SBF2: variants seen among roughly 807,000 people sequenced by gnomAD.
SBF2 encodes the protein myotubularin-related protein 13.
In SBF2, 112 loss-of-function variants were observed where a neutral mutation model predicts 225.2. The ratio of observed to expected loss-of-function variants is 0.50; its 90% CI spans 0.43 to 0.58. The LOEUF is 0.58. Among genes scored for constraint, SBF2 ranks in the 20% least tolerant of loss-of-function variants. The pLI, the probability that SBF2 is intolerant of heterozygous loss-of-function variation, is 0.00. For synonymous variants in SBF2, 763 were observed against 773.3 expected (o/e 0.99, Z 0.22); for missense variants, 1,996 against 2,206.2 (o/e 0.90, Z 1.91).
chr11:10,216,928 A>C (rs1208162858), intron 1 of SBF2, among the ~76,000 whole-genome samples: 5 of 152,326 alleles, frequency 3.3e-5, no homozygotes, highest in Non-Finnish European at 4.4e-5. Flanking sequence ...CATCTTAAGA[A>C]AATGCAAATA....
intron 2 of SBF2, among the ~76,000 whole-genome samples, chr11:10,166,540 C>CA (rs1487824329): frequency 6.6e-6 from 1 of 151,576 alleles, no homozygotes; most frequent in African/African-American, 2.4e-5. Context: ...TATTTATACA[C>CA]AAAAAAATGT....
intron 2 of SBF2, among the ~76,000 whole-genome samples, chr11:10,185,996 T>G (rs1956922546): frequency 6.6e-6 from 1 of 152,218 alleles, no homozygotes; most frequent in Admixed American, 6.5e-5. Flanking sequence ...TACCCTAGTT[T>G]CAGATTAAGG....
chr11:9,955,825 G>A lies in SBF2; in HGVS notation c.1860+6132C>T, dbSNP rs550707185. ...GTTTACTGCCCCTCCTCTGTGTCCCGCAGAGGTAATTTTCTTAAATATTTT... is the reference window on the plus strand; with the variant it reads ...GTTTACTGCCCCTCCTCTGTGTCCCACAGAGGTAATTTTCTTAAATATTTT... On this transcript the variant is annotated intron_variant, in intron 16 of 39. Transcript: ENST00000256190. 4.6e-5 allele frequency among the ~76,000 whole-genome samples: 7 copies of A among 151,768 alleles called. No homozygotes were observed. In the South Asian group the frequency reaches 6.2e-4, roughly 14 times the overall value.
rs360168 is a variant in SBF2 at position 9,853,017 on chromosome 11, A to G, written c.2537-268T>C. Among the ~76,000 whole-genome samples, 11,522 of 152,256 alleles carry G rather than the reference A, an allele frequency of 0.076. 653 individuals carry two copies. The highest frequency in any genetic ancestry group is 0.29 in the East Asian group (1,510 of 5,180). On this transcript the variant is annotated intron_variant, in intron 20 of 39. Coordinates refer to ENST00000256190, the MANE Select transcript of SBF2 (RefSeq NM_030962.4). ...GGAGAAGTAACTCAAATGTCCATCA[A>G]CAGATGAATGGATAAAATGTGGGAC... is the stretch of plus-strand genomic sequence containing the variant.
intron 17 of SBF2, among the ~76,000 whole-genome samples, chr11:9,871,470 C>CTTCTTATTA (rs1554934599): frequency 7.3e-6 from 1 of 136,944 alleles, no homozygotes; most frequent in African/African-American, 2.7e-5. Flanking sequence ...CAGGATGACG[C>CTTCTTATTA]TTATTATTAT....
At chr11:9,853,746 A>C (rs780363707) in intron 19 of SBF2, 34 bp from the exon 20 acceptor site, 1 of 1,594,898 alleles carries the variant, frequency 6.3e-7, no homozygotes, top group Admixed American at 1.7e-5. Context: ...CATGGTCAGT[A>C]CTTAAATGCA....
chr11:9,946,457 T>C (rs796412497), intron 16 of SBF2, among the ~76,000 whole-genome samples: 5 of 128,940 alleles, frequency 3.9e-5, no homozygotes, highest in Admixed American at 8.0e-5. Flanking sequence ...TTCTTTCTTT[T>C]TTTTTTTTTT....
intron 1 of SBF2, among the ~76,000 whole-genome samples, chr11:10,240,259 C>CAA (rs555675542): frequency 0.022 from 2,015 of 93,052 alleles, 41 homozygotes; most frequent in African/African-American, 0.067. Flanking sequence ...ATTAAAAGAA[C>CAA]AAAAAAAAAA....
chr11:10,213,612 T>C (rs1211713264), intron 1 of SBF2, among the ~76,000 whole-genome samples: 2 of 152,214 alleles, frequency 1.3e-5, no homozygotes, highest in Non-Finnish European at 2.9e-5. Flanking sequence ...AGTTAGCCCC[T>C]TGAACTTCCT....
intron 3 of SBF2, among the ~76,000 whole-genome samples, chr11:10,040,219 T>C (rs1246461164): frequency 6.6e-6 from 1 of 151,864 alleles, no homozygotes; most frequent in East Asian, 1.9e-4. Flanking sequence ...CACTATGAAG[T>C]GGAGAAATCT....
intron 2 of SBF2, among the ~76,000 whole-genome samples, chr11:10,123,738 T>C (rs532652224): frequency 8.5e-5 from 13 of 152,164 alleles, no homozygotes; most frequent in African/African-American, 2.7e-4. Context: ...ATAAGCTTTA[T>C]TGTCTGCATT....
chr11:9,928,753 T>C (rs1195732823), intron 16 of SBF2: 5 of 186,992 alleles, frequency 2.7e-5, no homozygotes, highest in South Asian at 1.0e-4. Context: ...ATTTGCATTG[T>C]TGGAATCTGC....
intron 10 of SBF2, 82 bp downstream of exon 10, chr11:9,993,839 T>G (rs998310409): frequency 2.9e-6 from 4 of 1,393,994 alleles, no homozygotes; most frequent in Middle Eastern, 2.3e-4. Flanking sequence ...TAACTCTAAC[T>G]TCACTTAGCT....
At chr11:10,232,036 G>A (rs112219065) in intron 1 of SBF2, among the ~76,000 whole-genome samples, 109 of 152,266 alleles carry the variant, frequency 7.2e-4, no homozygotes, top group African/African-American at 2.2e-3. Flanking sequence ...CCTCACTGCC[G>A]CCTTGCAGTT....
chr11:9,894,334 C>T (rs1241898907), intron 17 of SBF2, among the ~76,000 whole-genome samples: 2 of 152,004 alleles, frequency 1.3e-5, no homozygotes, highest in African/African-American at 2.4e-5. Flanking sequence ...CTGGCCAACA[C>T]GGTGAAACCC....
At chr11:9,840,964 G>GA (rs376834447) in intron 25 of SBF2, among the ~76,000 whole-genome samples, 31 of 145,112 alleles carry the variant, frequency 2.1e-4, no homozygotes, top group African/African-American at 4.0e-4. Context: ...TCTAACTGGG[G>GA]AAAAAAAAAA....
intron 6 of SBF2, among the ~76,000 whole-genome samples, chr11:10,006,446 T>A (rs1025497767): frequency 6.6e-6 from 1 of 152,166 alleles, no homozygotes; most frequent in African/African-American, 2.4e-5. Context: ...AGGGCTGAGT[T>A]TTCCGGTGGC....
intron 16 of SBF2, among the ~76,000 whole-genome samples, chr11:9,902,177 GA>G (rs754243491): frequency 1.4e-4 from 22 of 152,152 alleles, no homozygotes; most frequent in Non-Finnish European, 2.9e-4. Flanking sequence ...CTGGGAGTCT[GA>G]CACTTTTATG....
Position 9,839,579 on chromosome 11 carries a change from G to C in SBF2, c.3374C>G (p.Thr1125Ser). Reference sequence around the variant, plus strand: ...TGAACGGGAAGAGCTGCCACTTATGGTTCCTAAACCTAAACGCTGATAGTC... The same window carrying C: ...TGAACGGGAAGAGCTGCCACTTATGCTTCCTAAACCTAAACGCTGATAGTC... ...FRDYQRLGLG[T>S]ISGSSSRSRP... Residue 1125 changes from threonine to serine, a missense_variant, in exon 26 of 40, where the codon ACC becomes AGC. Thr to Ser is a moderately conservative substitution (Grantham distance 58). Transcript: ENST00000256190. 6.2e-7 allele frequency: 1 copy of C among 1,614,128 alleles called. No homozygotes were observed. The highest frequency in any genetic ancestry group is 8.5e-7 in the Non-Finnish European group (1 of 1,180,010).
Sources: allele counts gnomAD v4.1 joint callset (sites outside exome capture counted in the v4.1 genomes callset), GRCh38; gene constraint gnomAD v4.1.1; transcripts MANE v1.5; gene names NCBI Gene and HGNC (gene_info 2026-07-23, HGNC 2026-07-21).